The following AIDA variants were observed in gnomAD, a reference collection of about 807,000 sequenced individuals.
AIDA encodes the protein axin interactor, dorsalization associated.
In AIDA, 18 loss-of-function variants were observed where a neutral mutation model predicts 42.7. That is an observed-to-expected ratio of 0.42 (90% CI 0.29 to 0.63). The LOEUF is 0.63. AIDA is among the 20% of genes least tolerant of loss of function. The pLI, the probability that AIDA is intolerant of heterozygous loss-of-function variation, is 0.19. For missense variants in AIDA, 250 were observed against 354.1 expected, an observed-to-expected ratio of 0.71 and a Z score of 2.36; for synonymous variants, 104 against 122.9, an observed-to-expected ratio of 0.85 and a Z score of 1.02.
intron 6 of AIDA, among the ~76,000 whole-genome samples, chr1:222,680,634 T>C (rs969332416): frequency 1.2e-4 from 19 of 152,230 alleles, no homozygotes; most frequent in African/African-American, 4.1e-4. Context: ...AGTTGCCTCA[T>C]CTGTGAAAAA....
At position 222,689,388 on chromosome 1, in the gene AIDA, G is replaced by A. The variant is rs565759574; in HGVS notation, c.290-1730C>T. Among the ~76,000 whole-genome samples, 7 of 149,226 alleles carry A rather than the reference G, an allele frequency of 4.7e-5. 1 individual carries two copies. In the East Asian group the frequency reaches 5.9e-4, roughly 13 times the overall value. Reference sequence around the variant, plus strand: ...CCAGGAGATGGAGGTTGCAGCGAGCGGAGATCATGCCACTGCACTCCAGCC... The same window carrying A: ...CCAGGAGATGGAGGTTGCAGCGAGCAGAGATCATGCCACTGCACTCCAGCC... On this transcript the variant is annotated intron_variant, in intron 4 of 9. Coordinates refer to ENST00000340020, the MANE Select transcript of AIDA (RefSeq NM_022831.4).
rs988201593 is a variant in AIDA at position 222,680,963 on chromosome 1, G to A, written c.461-4745C>T. Among the ~76,000 whole-genome samples the A allele has an allele frequency of 2.6e-5, 4 of 151,944 alleles. 1 individual carries two copies. Among genetic ancestry groups the A allele is most frequent in the African/African-American group, 9.6e-5 (4 of 41,452 alleles). ...TTAAAAGGCTCTATTCCCAAACCGC[G>A]CAATAAGTGGACACAAGAGATGACT... On this transcript the variant is annotated intron_variant, in intron 6 of 9. Transcript: ENST00000340020.
At chr1:222,675,018 T>G (rs911757344) in intron 7 of AIDA, among the ~76,000 whole-genome samples, 1 of 152,204 alleles carries the variant, frequency 6.6e-6, no homozygotes, top group Non-Finnish European at 1.5e-5. Flanking sequence ...GGCCATATAT[T>G]TGATACCTGA....
intron 6 of AIDA, among the ~76,000 whole-genome samples, chr1:222,684,538 C>T (rs781462755): frequency 5.9e-5 from 9 of 152,280 alleles, no homozygotes; most frequent in Middle Eastern, 3.4e-3. Context: ...ATTTCAATGA[C>T]ATTTTCAATG....
chr1:222,703,367 A>C, intron 1 of AIDA, 150 bp from the exon 2 acceptor site: 1 of 549,534 alleles, frequency 1.8e-6, no homozygotes, highest in Non-Finnish European at 3.1e-6. Flanking sequence ...TCTTCTCAAA[A>C]AAAAAAAAAC....
chr1:222,708,809 GT>G (rs1293596696), intron 1 of AIDA, among the ~76,000 whole-genome samples: 1 of 152,182 alleles, frequency 6.6e-6, no homozygotes, highest in African/African-American at 2.4e-5. Context: ...GCTAAATGCA[GT>G]TATTTTTAAT....
chr1:222,684,379 T>C (rs189528040), intron 6 of AIDA, among the ~76,000 whole-genome samples: 128 of 152,318 alleles, frequency 8.4e-4, no homozygotes, highest in African/African-American at 2.8e-3. Flanking sequence ...CCCAAAGTCT[T>C]GGAATTACAG....
chr1:222,693,775 A>G lies in AIDA; in HGVS notation c.289+14T>C. 6.3e-7 allele frequency: 1 copy of G among 1,595,268 alleles called. No individual in the cohort carries two copies. Among genetic ancestry groups the G allele is most frequent in the East Asian group, 2.2e-5 (1 of 44,652 alleles). ...CCAAAGGAGTATCACAAAAAAATAT[A>G]AACTTAAACTTACTTGGTTCTAGCT... On this transcript the variant is annotated intron_variant, in intron 4 of 9. Coordinates refer to ENST00000340020, the MANE Select transcript of AIDA (RefSeq NM_022831.4).
At chr1:222,696,704 T>G (rs548864365) in intron 2 of AIDA, among the ~76,000 whole-genome samples, 25 of 152,342 alleles carry the variant, frequency 1.6e-4, no homozygotes, top group Non-Finnish European at 2.8e-4. Flanking sequence ...TTAGCTATAC[T>G]TTCATGTTCT....
chr1:222,710,036 C>G (rs1207802043), intron 1 of AIDA, among the ~76,000 whole-genome samples: 2 of 151,998 alleles, frequency 1.3e-5, no homozygotes, highest in Non-Finnish European at 2.9e-5. Context: ...ACTCTTCCTC[C>G]TTCTACACCC....
At position 222,712,388 on chromosome 1, in the gene AIDA, C is replaced by G. The variant is rs1427152904; in HGVS notation, c.-71G>C. ...CGGGTTCTAGGGCGCCATCCTCCCC[C>G]GGCCTGGCCCCGACATTAACAGGGC... is the stretch of plus-strand genomic sequence containing the variant. On this transcript the variant is annotated 5_prime_UTR_variant, in exon 1 of 10. Transcript: ENST00000340020. The G allele has an allele frequency of 1.1e-5, 17 of 1,483,606 alleles. 1 individual carries two copies. In the South Asian group the frequency reaches 2.2e-4, roughly 19 times the overall value. The allele number at this position is 1,483,606 out of a possible 1,614,324, so 91.9% of individuals were successfully genotyped here. A position where few individuals can be genotyped will look rare whatever the true frequency, so the allele number is the denominator to read the frequency against.
At chr1:222,712,048 C>T (rs112252486) in intron 1 of AIDA, 160 bp downstream of exon 1, 19 of 1,133,360 alleles carry the variant, frequency 1.7e-5, no homozygotes, top group Non-Finnish European at 2.0e-5. Context: ...CTAGAGCAGC[C>T]TCGCTGGGGC....
chr1:222,680,185 T>C (rs992602305), intron 6 of AIDA, among the ~76,000 whole-genome samples: 5 of 152,230 alleles, frequency 3.3e-5, no homozygotes, highest in Non-Finnish European at 5.9e-5. Flanking sequence ...AATTTTATTA[T>C]AGGTCTTTGA....
At chr1:222,689,612 C>T (rs1338233448) in intron 4 of AIDA, among the ~76,000 whole-genome samples, 1 of 144,400 alleles carries the variant, frequency 6.9e-6, no homozygotes, top group Non-Finnish European at 1.5e-5. Flanking sequence ...TACACACACA[C>T]ACACGTATAT....
chr1:222,693,509 G>GTAA (rs1655430218), intron 4 of AIDA, among the ~76,000 whole-genome samples: 1 of 152,230 alleles, frequency 6.6e-6, no homozygotes, highest in East Asian at 1.9e-4. Context: ...TGCTGCAAAT[G>GTAA]TTTACCAAAG....
intron 6 of AIDA, among the ~76,000 whole-genome samples, chr1:222,679,231 C>A (rs912045086): frequency 8.6e-5 from 13 of 151,478 alleles, no homozygotes. Flanking sequence ...TAAAAACATA[C>A]AATAATTAAA....
At chr1:222,670,591 T>C (rs1664429662) in intron 8 of AIDA, among the ~76,000 whole-genome samples, 2 of 152,194 alleles carry the variant, frequency 1.3e-5, no homozygotes, top group African/African-American at 4.8e-5. Context: ...GAGAAGATAC[T>C]TCAATACACA....
intron 3 of AIDA, 135 bp from the exon 4 acceptor site, chr1:222,693,978 C>T (rs946216015): frequency 5.4e-6 from 5 of 921,334 alleles, no homozygotes; most frequent in Non-Finnish European, 8.0e-6. Context: ...AAGTCCCAAA[C>T]TGGTTTTTGT....
At chr1:222,702,418 C>G (rs1655734159) in intron 2 of AIDA, among the ~76,000 whole-genome samples, 1 of 152,062 alleles carries the variant, frequency 6.6e-6, no homozygotes, top group Admixed American at 6.6e-5. Context: ...TGACTTAACA[C>G]TAGATACTCT....
Sources: gnomAD v4.1 joint callset for allele counts (sites outside exome capture counted in the v4.1 genomes callset) on GRCh38, gnomAD v4.1.1 for gene constraint, MANE v1.5 for transcripts, NCBI Gene and HGNC (gene_info 2026-07-23, HGNC 2026-07-21) for gene names.